Variants in RFWD3 observed in about 807,000 individuals in gnomAD.
RFWD3 encodes ring finger and WD repeat domain 3.
In RFWD3, 65 loss-of-function variants were observed where a neutral mutation model predicts 87.7. The observed-to-expected ratio is 0.74, with a 90% CI of 0.61 to 0.91. RFWD3 has a LOEUF of 0.91. Among genes scored for constraint, RFWD3 ranks in the 40% least tolerant of loss-of-function variants. The pLI, the probability that RFWD3 is intolerant of heterozygous loss-of-function variation, is 0.00. For missense variants in RFWD3, 1,078 were observed against 938.5 expected (o/e 1.15, Z -1.94); for synonymous variants, 433 against 352.8 (o/e 1.23, Z -2.55).
At chr16:74,640,203 C>A (rs536531324) in intron 6 of RFWD3, among the ~76,000 whole-genome samples, 1 of 149,402 alleles carries the variant, frequency 6.7e-6, no homozygotes, top group Non-Finnish European at 1.5e-5. Context: ...AGTGCAGTGG[C>A]GTGATCTTGG....
Position 74,632,681 on chromosome 16 carries a change from A to C in RFWD3, c.1427-8T>G, listed in dbSNP as rs778635619. ...ACATCTTAACACCAAAGCCTGAAAA[A>C]GGCAAAATAGTATGAAATAGATCAC... On this transcript the variant is annotated splice_polypyrimidine_tract_variant and splice_region_variant and intron_variant, in intron 8 of 12. Coordinates refer to ENST00000361070, the MANE Select transcript of RFWD3 (RefSeq NM_018124.4). 1 of 1,613,714 alleles carries C rather than the reference A, an allele frequency of 6.2e-7. No individual in the cohort carries two copies. The highest frequency in any genetic ancestry group is 8.5e-7 in the Non-Finnish European group (1 of 1,179,722).
intron 11 of RFWD3, among the ~76,000 whole-genome samples, chr16:74,627,890 A>G (rs746134638): frequency 1.3e-5 from 2 of 152,208 alleles, no homozygotes; most frequent in African/African-American, 2.4e-5. Flanking sequence ...TAGAACACTG[A>G]CCATCAGTAC....
At chr16:74,626,057 G>GCAC in intron 12 of RFWD3, among the ~76,000 whole-genome samples, 1 of 152,126 alleles carries the variant, frequency 6.6e-6, no homozygotes, top group Non-Finnish European at 1.5e-5. Context: ...ATGGTGGTGG[G>GCAC]GTGCCTGTAA....
At chr16:74,625,650 T>C (rs552016142) in intron 12 of RFWD3, among the ~76,000 whole-genome samples, 19 of 152,162 alleles carry the variant, frequency 1.2e-4, no homozygotes, top group Non-Finnish European at 2.8e-4. Context: ...GTGTATATGC[T>C]TTCTGTGCTA....
chr16:74,626,314 A>G (rs781518976), intron 12 of RFWD3, 29 bp downstream of exon 12: 2 of 1,591,542 alleles, frequency 1.3e-6, no homozygotes, highest in Non-Finnish European at 1.7e-6. Context: ...ACTACTTTTT[A>G]TATGAAAGTA....
At chr16:74,665,357 G>A (rs2144393059) in intron 1 of RFWD3, 1 of 152,302 alleles carries the variant, frequency 6.6e-6, no homozygotes, top group Admixed American at 6.5e-5. Context: ...GAAGCCGAGG[G>A]CAGACCACTT....
intron 2 of RFWD3, chr16:74,660,695 A>G (rs1168476827): frequency 4.4e-6 from 2 of 456,106 alleles, no homozygotes; most frequent in East Asian, 3.7e-5. Context: ...ACAACAGCCA[A>G]TCTCTACAGA....
intron 12 of RFWD3, among the ~76,000 whole-genome samples, chr16:74,624,753 T>C (rs1958872211): frequency 6.6e-6 from 1 of 152,154 alleles, no homozygotes; most frequent in African/African-American, 2.4e-5. Context: ...TCCAACACTT[T>C]GGGAGTCTGA....
Position 74,661,063 on chromosome 16 carries a change from T to A in RFWD3, c.387A>T (p.Arg129Ser). Residue 129 changes from arginine (R) to serine (S), a missense_variant, in exon 2 of 13, where the codon AGA (arginine) becomes AGT (serine). Transcript: ENST00000361070. ...TCAGGAATTCCAGCATGCCATGAAG[T>A]CTCTGCAGTCCGCTGATGAAGTTGG... ...SMTNFISGLQ[R>S]LHGMLEFLRP... 5 of 1,614,228 alleles carry A rather than the reference T, an allele frequency of 3.1e-6. No homozygotes were observed. Among genetic ancestry groups the A allele is most frequent in the Non-Finnish European group, 4.2e-6 (5 of 1,180,038 alleles).
intron 2 of RFWD3, 79 bp from the exon 3 acceptor site, chr16:74,652,201 A>G: frequency 7.7e-7 from 1 of 1,306,782 alleles, no homozygotes; most frequent in Non-Finnish European, 1.1e-6. Flanking sequence ...TTTGAAGTAA[A>G]TCCTATCACT....
At position 74,644,448 on chromosome 16, in the gene RFWD3, G is replaced by T. The variant is rs200972788; in HGVS notation, c.993C>A (p.Asn331Lys). Residue 331 changes from asparagine to lysine, a missense_variant, in exon 6 of 13, where the codon AAC (asparagine) becomes AAA (lysine). Asn to Lys is a moderately conservative substitution (Grantham distance 94, BLOSUM62 0). Coordinates refer to ENST00000361070, the MANE Select transcript of RFWD3 (RefSeq NM_018124.4). ...CAATGTCACTGTGCCTGGCTTTCTT[G>T]TTGCACTAAAGAACCCAATAGGACA... ...KGQVRKCPQC[N>K]KKARHSDIVV... The T allele has an allele frequency of 7.4e-6, 12 of 1,614,090 alleles. No homozygotes were observed. The African/African-American group carries it at 1.5e-4, about 20-fold the overall frequency.
At position 74,662,070 on chromosome 16, in the gene RFWD3, GTTC is replaced by G. The variant is rs1961486224; in HGVS notation, c.-2-622_-2-620del. 2.6e-5 allele frequency among the ~76,000 whole-genome samples: 4 copies of G among 151,750 alleles called. No homozygotes were observed. In the South Asian group the frequency reaches 8.3e-4, roughly 31 times the overall value. ...CAACAAATATTTATTAAGCACCTATGTTCTTTTCATGTTTCCTATCTTTAATTC... is the reference window on the plus strand; with the variant it reads ...CAACAAATATTTATTAAGCACCTATGTTTTCATGTTTCCTATCTTTAATTC... On this transcript the variant is annotated intron_variant, in intron 1 of 12. Transcript: ENST00000361070.
At chr16:74,655,351 T>C (rs1337555493) in intron 2 of RFWD3, among the ~76,000 whole-genome samples, 1 of 151,882 alleles carries the variant, frequency 6.6e-6, no homozygotes, top group African/African-American at 2.4e-5. Context: ...GCCATTCTCC[T>C]GCCTCAGCCT....
chr16:74,626,524 AG>A lies in RFWD3; in HGVS notation c.1999del (p.Leu667Ter). 1 of 1,614,176 alleles carries A rather than the reference AG, an allele frequency of 6.2e-7. No individual in the cohort carries two copies. The highest frequency in any genetic ancestry group is 8.5e-7 in the Non-Finnish European group (1 of 1,180,004). On this transcript the variant is annotated frameshift_variant, in exon 12 of 13. Transcript: ENST00000361070. LOFTEE classifies it high-confidence loss of function. The stretch of plus-strand genomic sequence containing the variant: ...ATCCAGTCGGTAGGACATTTCCATC[AG>A]CACACTTCGTATGGTGGTGTGATTT... ...DKNHTTIRSV[L>X]MEMSYRLDDT...
Position 74,626,458 on chromosome 16 carries a change from G to A in RFWD3, c.2066C>T (p.Thr689Ile), listed in dbSNP as rs1046069252. 6.2e-7 allele frequency: 1 copy of A among 1,614,052 alleles called. No individual in the cohort carries two copies. The highest frequency in any genetic ancestry group is 1.7e-5 in the Admixed American group (1 of 60,012). Residue 689 changes from threonine to isoleucine, a missense_variant, in exon 12 of 13, where the codon ACA becomes ATA. Coordinates refer to ENST00000361070, the MANE Select transcript of RFWD3 (RefSeq NM_018124.4). ...TTTGCAAGTAGGTCCTCCAAAAAAT[G>A]TATGTACAGGCTGGCAGGAGCAGAT... ...NPICSCQPVHTFFGGPTCKLL... is the reference protein window; with the variant it reads ...NPICSCQPVHIFFGGPTCKLL...
At position 74,624,033 on chromosome 16, in the gene RFWD3, T is replaced by C. The variant is rs1311273080; in HGVS notation, c.2220A>G (p.Leu740=). ...DAASGSLLQD[L]QTDQPVLDIC... ...TGTCCAACACAGGCTGATCGGTCTG[T>C]AGGTCCTGGAGCAACGAGCCACTGG... The change falls in exon 13 of 13, where the codon CTA becomes CTG. Residue 740 remains leucine, a synonymous_variant. Transcript: ENST00000361070. The C allele has an allele frequency of 6.2e-7, 1 of 1,613,990 alleles. No individual in the cohort carries two copies. Among genetic ancestry groups the C allele is most frequent in the East Asian group, 2.2e-5 (1 of 44,870 alleles).
chr16:74,648,992 G>A (rs1960376409), intron 4 of RFWD3, 140 bp downstream of exon 4: 1 of 447,804 alleles, frequency 2.2e-6, no homozygotes, highest in Non-Finnish European at 3.9e-6. Context: ...TGAAGTGGGA[G>A]GATCCTTTGA....
intron 3 of RFWD3, among the ~76,000 whole-genome samples, chr16:74,649,833 T>C (rs1471966149): frequency 6.6e-6 from 1 of 152,164 alleles, no homozygotes; most frequent in Non-Finnish European, 1.5e-5. Context: ...TCCCCTCTGT[T>C]TGTCATTGAT....
At chr16:74,665,736 TTTTC>T (rs993010501) in intron 1 of RFWD3, among the ~76,000 whole-genome samples, 24 of 145,940 alleles carry the variant, frequency 1.6e-4, no homozygotes, top group Non-Finnish European at 2.1e-4. Flanking sequence ...ACAGGGAGAC[TTTTC>T]TTTCTTTCTT....
Sources: allele counts gnomAD v4.1 joint callset (sites outside exome capture counted in the v4.1 genomes callset), GRCh38; gene constraint gnomAD v4.1.1; transcripts MANE v1.5; gene names NCBI Gene and HGNC (gene_info 2026-07-23, HGNC 2026-07-21).